The following ZC3H18 variants were observed in gnomAD, a reference collection of about 807,000 sequenced individuals.
The protein encoded by ZC3H18 is zinc finger CCCH domain-containing protein 18.
Under a neutral mutation model 106.1 loss-of-function variants are expected in ZC3H18, and 8 were observed. The ratio of observed to expected loss-of-function variants is 0.08; its 90% CI spans 0.04 to 0.14. The LOEUF (loss-of-function observed/expected upper bound fraction) is 0.14, where lower values mean the gene tolerates loss of function less well. Among genes scored for constraint, ZC3H18 ranks in the 10% least tolerant of loss-of-function variants. The pLI, the probability that ZC3H18 is intolerant of heterozygous loss-of-function variation, is 1.00. For missense variants in ZC3H18, 1,318 were observed against 1,278.4 expected, an observed-to-expected ratio of 1.03 and a Z score of -0.47; for synonymous variants, 635 against 522.1, an observed-to-expected ratio of 1.22 and a Z score of -2.95.
At chr16:88,616,045 G>A (rs935719155) in intron 8 of ZC3H18, among the ~76,000 whole-genome samples, 5 of 152,192 alleles carry the variant, frequency 3.3e-5, no homozygotes. Flanking sequence ...AGGAAAGCGG[G>A]TGACGGATCC....
In ZC3H18 at chr16:88,627,327, A is replaced by G. The variant is rs2142832018; in HGVS notation, c.2109-295A>G. On this transcript the variant is annotated intron_variant, in intron 13 of 17. Transcript: ENST00000301011. The surrounding 1 kb of genome is among the most constrained non-coding windows in gnomAD (Gnocchi z 4.5). ...TCAGTTCAGCTGGGTCTCAGACCCC[A>G]TTGCTCGTGACGAGATCTGCCCATC... The G allele has an allele frequency of 3.4e-6, 1 of 291,456 alleles. No homozygotes were observed. The highest frequency in any genetic ancestry group is 6.2e-5 in the East Asian group (1 of 16,154). The allele number at this position is 291,456 out of a possible 1,614,324, so 18.1% of individuals were successfully genotyped here.
chr16:88,625,717 G>T (rs1019380664), intron 13 of ZC3H18: 3 of 178,658 alleles, frequency 1.7e-5, no homozygotes, highest in African/African-American at 4.8e-5. Flanking sequence ...AAAGCTTTGT[G>T]GGCCAGGTGC....
Position 88,631,521 on chromosome 16 carries a change from C to T in ZC3H18, c.*222C>T, listed in dbSNP as rs909335170. On this transcript the variant is annotated 3_prime_UTR_variant, in exon 18 of 18. Coordinates refer to ENST00000301011, the MANE Select transcript of ZC3H18 (RefSeq NM_144604.4). The stretch of plus-strand genomic sequence containing the variant: ...GTCCCGCAGGACAGACAGACACAGA[C>T]AGCGCTAGTGACCAGCACGGTTCTC... 1.5e-6 allele frequency: 1 copy of T among 669,976 alleles called. No homozygotes were observed. The highest frequency in any genetic ancestry group is 1.8e-5 in the African/African-American group (1 of 56,438). The allele number at this position is 669,976 out of a possible 1,614,324, so 41.5% of individuals were successfully genotyped here.
intron 3 of ZC3H18, among the ~76,000 whole-genome samples, chr16:88,597,488 A>T (rs1904500733): frequency 6.6e-6 from 1 of 152,232 alleles, no homozygotes; most frequent in Admixed American, 6.5e-5. Context: ...TATTCCCAAA[A>T]AAGTACATTT....
At chr16:88,609,631 ACT>A (rs1905179343) in intron 7 of ZC3H18, among the ~76,000 whole-genome samples, 2 of 150,912 alleles carry the variant, frequency 1.3e-5, no homozygotes, top group African/African-American at 4.9e-5. Flanking sequence ...ACGGAGTTTA[ACT>A]CTGTCACCCA....
At chr16:88,596,447 C>T (rs1034145975) in intron 3 of ZC3H18, among the ~76,000 whole-genome samples, 1 of 152,078 alleles carries the variant, frequency 6.6e-6, no homozygotes. Flanking sequence ...CGAGACCAGC[C>T]TGACCAAGTT....
intron 2 of ZC3H18, among the ~76,000 whole-genome samples, chr16:88,585,784 G>C (rs1295807256): frequency 6.6e-6 from 1 of 152,144 alleles, no homozygotes; most frequent in East Asian, 1.9e-4. Flanking sequence ...GATTGCAGGA[G>C]ATGGGGAGGG....
At chr16:88,591,818 G>C (rs1357317186) in intron 3 of ZC3H18, among the ~76,000 whole-genome samples, 3 of 152,238 alleles carry the variant, frequency 2.0e-5, no homozygotes, top group African/African-American at 7.2e-5. Flanking sequence ...GCTGGCAGCG[G>C]AGTTTCTGAT....
intron 6 of ZC3H18, among the ~76,000 whole-genome samples, chr16:88,607,474 T>C (rs1400838321): frequency 2.0e-5 from 3 of 152,264 alleles, no homozygotes; most frequent in African/African-American, 2.4e-5. Context: ...AAGGACTGAC[T>C]TGTGGGCGAT....
intron 8 of ZC3H18, among the ~76,000 whole-genome samples, chr16:88,612,764 G>T (rs372848613): frequency 2.0e-5 from 3 of 152,044 alleles, no homozygotes; most frequent in Non-Finnish European, 2.9e-5. Flanking sequence ...CACTTTGGGC[G>T]GCCGGGATGG....
intron 8 of ZC3H18, among the ~76,000 whole-genome samples, chr16:88,614,373 G>A (rs944402737): frequency 6.6e-6 from 1 of 152,216 alleles, no homozygotes; most frequent in African/African-American, 2.4e-5. Context: ...CATCTTGTCC[G>A]TGTGGCTGGA....
intron 2 of ZC3H18, among the ~76,000 whole-genome samples, chr16:88,585,184 G>C (rs1490086535): frequency 6.6e-6 from 1 of 152,164 alleles, no homozygotes. Flanking sequence ...TCTTTAAAAA[G>C]TGATTCTGCT....
intron 13 of ZC3H18, 88 bp downstream of exon 13, chr16:88,625,355 C>T (rs1906238132): frequency 6.6e-7 from 1 of 1,508,506 alleles, no homozygotes; most frequent in Admixed American, 2.0e-5. Flanking sequence ...TGGGCTGTCT[C>T]CCACAGGTGG....
chr16:88,592,920 CTT>C (rs777718088), intron 3 of ZC3H18, among the ~76,000 whole-genome samples: 28 of 152,200 alleles, frequency 1.8e-4, no homozygotes, highest in Non-Finnish European at 3.7e-4. Context: ...TTTTAAAAAA[CTT>C]TATTAAAGTA....
rs1342659894 is a variant in ZC3H18 at position 88,599,927 on chromosome 16, C to T, written c.1067C>T (p.Pro356Leu). ...TTTCGAGATTGGAATTCTCGGATCC[C>T]GAGAGATGTCAGAGACACAGTGTAA... is the stretch of plus-strand genomic sequence containing the variant. ...EVFRDWNSRI[P>L]RDVRDTVLEP... The change falls in exon 6 of 18, where the codon CCG becomes CTG. Residue 356 changes from proline to leucine, a missense_variant. Transcript: ENST00000301011. 1.4e-5 allele frequency: 22 copies of T among 1,614,100 alleles called. No individual in the cohort carries two copies. The highest frequency in any genetic ancestry group is 2.2e-5 in the East Asian group (1 of 44,876).
chr16:88,586,767 C>G, intron 3 of ZC3H18, 83 bp downstream of exon 3: 1 of 1,095,034 alleles, frequency 9.1e-7, no homozygotes, highest in Non-Finnish European at 1.4e-6. Flanking sequence ...CCTTGCCAGG[C>G]CCTGCTCTGC....
chr16:88,591,926 G>C (rs568640156), intron 3 of ZC3H18, among the ~76,000 whole-genome samples: 2 of 152,122 alleles, frequency 1.3e-5, no homozygotes, highest in Non-Finnish European at 2.9e-5. Flanking sequence ...GGAACCGCTG[G>C]CAGCGGAGTT....
At chr16:88,581,538 T>C (rs1275500806) in intron 2 of ZC3H18, among the ~76,000 whole-genome samples, 1 of 152,170 alleles carries the variant, frequency 6.6e-6, no homozygotes, top group Non-Finnish European at 1.5e-5. Flanking sequence ...CTGGCCTGCG[T>C]GGTGGGGTGG....
intron 13 of ZC3H18, chr16:88,626,014 G>A (rs1389418656): frequency 6.6e-6 from 1 of 152,068 alleles, no homozygotes; most frequent in African/African-American, 2.4e-5. Context: ...GTAGAGATGG[G>A]GTTTCACCAT....
Sources: gnomAD v4.1 joint callset for allele counts (sites outside exome capture counted in the v4.1 genomes callset) on GRCh38, gnomAD v4.1.1 for gene constraint, Gnocchi (gnomAD v3.1) non-coding constraint, MANE v1.5 for transcripts, NCBI Gene and HGNC (gene_info 2026-07-23, HGNC 2026-07-21) for gene names.